The following PSMD5 variants were observed in gnomAD, a reference collection of about 807,000 sequenced individuals.
PSMD5 encodes the protein 26S proteasome non-ATPase regulatory subunit 5.
A neutral mutation model predicts 52.1 loss-of-function variants in PSMD5; 40 were observed. The observed-to-expected ratio is 0.77, with a 90% CI of 0.60 to 1.00. The LOEUF (loss-of-function observed/expected upper bound fraction) is 1.00, where lower values mean the gene tolerates loss of function less well. PSMD5 is among the 50% of genes least tolerant of loss of function. The pLI is 0.00. For missense variants in PSMD5, 575 were observed against 605.2 expected (o/e 0.95, Z 0.52); for synonymous variants, 211 against 226.6 (o/e 0.93, Z 0.62).
chr9:120,842,782 T>C lies in PSMD5; in HGVS notation c.128A>G (p.Glu43Gly). 6.2e-7 allele frequency: 1 copy of C among 1,613,024 alleles called. No individual in the cohort carries two copies. Among genetic ancestry groups the C allele is most frequent in the Non-Finnish European group, 8.5e-7 (1 of 1,179,996 alleles). The change falls in exon 1 of 10, where the codon GAG becomes GGG. Residue 43 changes from glutamate to glycine, a missense_variant. Transcript: ENST00000210313. Reference protein sequence around the residue: ...PLNELRQQAAELRLGPLFSLL... With the variant: ...PLNELRQQAAGLRLGPLFSLL... ...GGAGAAGAGCGGGCCGAGGCGCAGC[T>C]CCGCCGCTTGCTGGCGAAGCTCGTT...
In PSMD5 at chr9:120,824,435, A is replaced by G. The variant is rs771295108; in HGVS notation, c.1006+59T>C. ...AGTTAACCCACCAGCAAATGAACTT[A>G]CATATTGAACCCCTGTCAAAGATTA... On this transcript the variant is annotated intron_variant, in intron 7 of 9. Coordinates refer to ENST00000210313, the MANE Select transcript of PSMD5 (RefSeq NM_005047.4). 20 of 1,538,736 alleles carry G rather than the reference A, an allele frequency of 1.3e-5. 1 individual carries two copies. Among genetic ancestry groups the G allele is most frequent in the Non-Finnish European group, 1.8e-5 (20 of 1,111,868 alleles).
At chr9:120,827,780 A>C (rs2131426470) in intron 5 of PSMD5, among the ~76,000 whole-genome samples, 1 of 152,358 alleles carries the variant, frequency 6.6e-6, no homozygotes, top group East Asian at 1.9e-4. Flanking sequence ...AAAGATAACT[A>C]TAATGCTATC....
intron 4 of PSMD5, among the ~76,000 whole-genome samples, chr9:120,829,854 C>T (rs765888247): frequency 6.6e-6 from 1 of 152,198 alleles, no homozygotes; most frequent in Non-Finnish European, 1.5e-5. Flanking sequence ...GTCAGTCATT[C>T]ACTCACTCAT....
At chr9:120,824,223 G>A in intron 7 of PSMD5, 2 of 447,654 alleles carry the variant, frequency 4.5e-6, no homozygotes, top group East Asian at 4.6e-5. Flanking sequence ...AGACATCATA[G>A]AGGGGAAACA....
chr9:120,826,751 T>TCA lies in PSMD5; in HGVS notation c.814+12_814+13dup, dbSNP rs753091545. On this transcript the variant is annotated intron_variant, in intron 6 of 9. Transcript: ENST00000210313. ...ACACGCACCATCATTTCCATAGGCATCAGTGTTCCTTACCTGGCAGATAGA... is the reference window on the plus strand; with the variant it reads ...ACACGCACCATCATTTCCATAGGCATCACAGTGTTCCTTACCTGGCAGATAGA... 4.3e-6 allele frequency: 7 copies of TCA among 1,612,146 alleles called. No homozygotes were observed. Among genetic ancestry groups the TCA allele is most frequent in the Admixed American group, 3.3e-5 (2 of 59,898 alleles).
At chr9:120,842,432 A>C in intron 1 of PSMD5, 1 of 437,756 alleles carries the variant, frequency 2.3e-6, no homozygotes, top group Non-Finnish European at 4.1e-6. Context: ...GAGATGTGGA[A>C]TGCTCCTTGT....
chr9:120,833,188 G>A, intron 2 of PSMD5, 124 bp downstream of exon 2: 2 of 1,130,424 alleles, frequency 1.8e-6, no homozygotes, highest in South Asian at 1.4e-5. Context: ...AGGGAGCAGA[G>A]GAGAGGGGGA....
chr9:120,842,739 A>G lies in PSMD5; in HGVS notation c.171T>C (p.His57=), dbSNP rs2045249432. The G allele has an allele frequency of 6.2e-7, 1 of 1,613,208 alleles. No individual in the cohort carries two copies. The highest frequency in any genetic ancestry group is 8.5e-7 in the Non-Finnish European group (1 of 1,179,966). The stretch of plus-strand genomic sequence containing the variant: ...TCAAGCCCCCGGGGTCCTCTCACCT[A>G]TGGTTCTCGTTAAGCAGGGAGAAGA... The part of the protein sequence containing the change: ...GPLFSLLNEN[H]REKTTLCVSI... Residue 57 remains histidine (H), a splice_region_variant and synonymous_variant, in exon 1 of 10, where the codon CAT becomes CAC. Coordinates refer to ENST00000210313, the MANE Select transcript of PSMD5 (RefSeq NM_005047.4).
intron 7 of PSMD5, chr9:120,824,126 AAAAAAAG>A (rs1265786261): frequency 5.4e-6 from 1 of 186,328 alleles, no homozygotes; most frequent in African/African-American, 2.4e-5. Flanking sequence ...AAAAAAAAAA[AAAAAAAG>A]AATAGAAAAC....
chr9:120,831,120 G>A (rs1052726267), intron 4 of PSMD5, among the ~76,000 whole-genome samples: 21 of 152,126 alleles, frequency 1.4e-4, no homozygotes, highest in African/African-American at 5.1e-4. Context: ...CTGGCCTCAA[G>A]GGGTCCTCCT....
At chr9:120,838,272 T>C (rs2045211741) in intron 1 of PSMD5, among the ~76,000 whole-genome samples, 1 of 152,220 alleles carries the variant, frequency 6.6e-6, no homozygotes, top group African/African-American at 2.4e-5. Flanking sequence ...GTATATAAAT[T>C]ATACCTTTGA....
Position 120,831,350 on chromosome 9 carries a change from A to G in PSMD5, c.542T>C (p.Val181Ala), listed in dbSNP as rs746118612. 6.2e-7 allele frequency: 1 copy of G among 1,610,734 alleles called. No homozygotes were observed. The highest frequency in any genetic ancestry group is 8.5e-7 in the Non-Finnish European group (1 of 1,179,034). Residue 181 changes from valine to alanine, a missense_variant, in exon 4 of 10, where the codon GTT (valine) becomes GCT (alanine). Physicochemically the swap from Val to Ala is moderately conservative, Grantham distance 64 (BLOSUM62 0). Coordinates refer to ENST00000210313, the MANE Select transcript of PSMD5 (RefSeq NM_005047.4). ...TCTTACCTCATACACCCTGTATCGA[A>G]CAATGTCATTTGTTTTCATTACACT... is the stretch of plus-strand genomic sequence containing the variant. ...LKSVMKTNDI[V>A]RYRVYELIIE...
At chr9:120,826,985 A>T in intron 5 of PSMD5, 78 bp from the exon 6 acceptor site, 1 of 1,352,712 alleles carries the variant, frequency 7.4e-7, no homozygotes, top group Non-Finnish European at 1.0e-6. Context: ...CATACAGGTT[A>T]TCTTATTTAA....
Position 120,817,023 on chromosome 9 carries a change from T to G in PSMD5, c.*883A>C, listed in dbSNP as rs544895520. The stretch of plus-strand genomic sequence containing the variant: ...TTCATTGGTAAACAGCAAAAAAAAT[T>G]ACATGAACACTATAAACATTTTTTA... On this transcript the variant is annotated 3_prime_UTR_variant, in exon 10 of 10. Coordinates refer to ENST00000210313, the MANE Select transcript of PSMD5 (RefSeq NM_005047.4). 6.6e-6 allele frequency: 1 copy of G among 152,168 alleles called. No individual in the cohort carries two copies. The highest frequency in any genetic ancestry group is 2.4e-5 in the African/African-American group (1 of 41,524). 9.4% of individuals were successfully genotyped at this position (152,168 alleles called of 1,614,324 possible).
chr9:120,823,510 C>CTTTTTTTTTT lies in PSMD5; in HGVS notation c.1006+974_1006+983dup, dbSNP rs1263218977. Among the ~76,000 whole-genome samples the CTTTTTTTTTT allele has an allele frequency of 2.2e-3, 235 of 108,638 alleles. 2 individuals carry two copies. Among genetic ancestry groups the CTTTTTTTTTT allele is most frequent in the African/African-American group, 7.8e-3 (221 of 28,206 alleles). The allele number at this position is 108,638 out of a possible 152,430, so 71.3% of individuals were successfully genotyped here. Reference sequence around the variant, plus strand: ...AGGCATGAGCCACCATACCTGGCCTCTTTTTTTTTTTTTTTTTTTGAGATA... The same window carrying CTTTTTTTTTT: ...AGGCATGAGCCACCATACCTGGCCTCTTTTTTTTTTTTTTTTTTTTTTTTTTTTTGAGATA... On this transcript the variant is annotated intron_variant, in intron 7 of 9. Transcript: ENST00000210313.
rs1211616511 is a variant in PSMD5, at chr9:120,816,168, G to T, written c.*1738C>A. 1 of 152,308 alleles carries T rather than the reference G, an allele frequency of 6.6e-6. No homozygotes were observed. The highest frequency in any genetic ancestry group is 2.4e-5 in the African/African-American group (1 of 41,458). The allele number at this position is 152,308 out of a possible 1,614,324, so 9.4% of individuals were successfully genotyped here. A position where few individuals can be genotyped will look rare whatever the true frequency, so the allele number is the denominator to read the frequency against. On this transcript the variant is annotated 3_prime_UTR_variant, in exon 10 of 10. Transcript: ENST00000210313. ...ATCCCCCCAAAATCTGATGTTAAGT[G>T]AATAAAATCAATGTCATGAAGCAGA...
intron 1 of PSMD5, among the ~76,000 whole-genome samples, chr9:120,837,919 C>T (rs1406690528): frequency 6.6e-6 from 1 of 152,222 alleles, no homozygotes; most frequent in African/African-American, 2.4e-5. Context: ...TGGACTTACA[C>T]TCAACAATAA....
chr9:120,827,216 T>C (rs1161071499), intron 5 of PSMD5, among the ~76,000 whole-genome samples: 6 of 152,238 alleles, frequency 3.9e-5, no homozygotes, highest in African/African-American at 1.4e-4. Flanking sequence ...TTTTGAAATA[T>C]CATACACAAA....
chr9:120,833,144 A>G (rs1237729923), intron 2 of PSMD5, among the ~76,000 whole-genome samples, 168 bp downstream of exon 2: 2 of 151,476 alleles, frequency 1.3e-5, no homozygotes, highest in African/African-American at 4.9e-5. Flanking sequence ...AGCTATGCAC[A>G]TTGGAATAGA....
Sources: gnomAD v4.1 joint callset for allele counts (sites outside exome capture counted in the v4.1 genomes callset) on GRCh38, gnomAD v4.1.1 for gene constraint, MANE v1.5 for transcripts, NCBI Gene and HGNC (gene_info 2026-07-23, HGNC 2026-07-21) for gene names.